PIKFYVE: variants seen among roughly 807,000 people sequenced by gnomAD.
PIKFYVE encodes phosphoinositide kinase, FYVE-type zinc finger containing.
Under a neutral mutation model 257.9 loss-of-function variants are expected in PIKFYVE, and 122 were observed. The observed-to-expected ratio is 0.47, with a 90% confidence interval of 0.41 to 0.55. The LOEUF (loss-of-function observed/expected upper bound fraction) is 0.55, where lower values mean the gene tolerates loss of function less well. PIKFYVE is among the 20% of genes least tolerant of loss of function. The pLI is 0.00. For synonymous variants in PIKFYVE, 892 were observed against 868.9 expected, an observed-to-expected ratio of 1.03 and a Z score of -0.47; for missense variants, 2,160 against 2,536.6, an observed-to-expected ratio of 0.85 and a Z score of 3.19.
intron 7 of PIKFYVE, among the ~76,000 whole-genome samples, chr2:208,290,731 C>T (rs1334294019): frequency 6.6e-6 from 1 of 152,182 alleles, no homozygotes; most frequent in African/African-American, 2.4e-5. Flanking sequence ...TGCATTCCTA[C>T]CAGCAATGAA....
chr2:208,350,574 A>C (rs765417113), intron 36 of PIKFYVE, among the ~76,000 whole-genome samples, 197 bp from the exon 37 acceptor site: 1 of 152,124 alleles, frequency 6.6e-6, no homozygotes, highest in Non-Finnish European at 1.5e-5. Flanking sequence ...AAGGATGGTC[A>C]TACGATGTTC....
intron 1 of PIKFYVE, chr2:208,269,852 C>A: frequency 3.4e-6 from 1 of 294,232 alleles, no homozygotes; most frequent in Admixed American, 4.4e-5. Flanking sequence ...GGATAGCTGG[C>A]TCAGCTTTGG....
chr2:208,328,702 G>A (rs958612479), intron 21 of PIKFYVE, among the ~76,000 whole-genome samples: 2 of 152,142 alleles, frequency 1.3e-5, no homozygotes, highest in South Asian at 2.1e-4. Flanking sequence ...GTAGCCTGAA[G>A]TTAATTTTAT....
intron 20 of PIKFYVE, among the ~76,000 whole-genome samples, chr2:208,327,011 G>A (rs1231762110): frequency 1.3e-5 from 2 of 152,096 alleles, no homozygotes; most frequent in African/African-American, 2.4e-5. Context: ...TGCTAGATGA[G>A]GAAATGCAAT....
chr2:208,317,181 T>C (rs1337884492), intron 15 of PIKFYVE, among the ~76,000 whole-genome samples: 1 of 151,360 alleles, frequency 6.6e-6, no homozygotes, highest in Non-Finnish European at 1.5e-5. Flanking sequence ...GAAACTACCA[T>C]CAGAGTGAAC....
In PIKFYVE at chr2:208,288,705, AG is replaced by A. The variant is rs780957485; in HGVS notation, c.822-23del. On this transcript the variant is annotated intron_variant, in intron 6 of 41. Transcript: ENST00000264380. ...CCCTTTTACTGTCCTGAATTATTTC[AG>A]TATTTTCCTATTTTCTTTATAGTTT... 1.9e-6 allele frequency: 3 copies of A among 1,613,470 alleles called. No individual in the cohort carries two copies. In the Admixed American group the frequency reaches 5.0e-5, roughly 27 times the overall value.
At chr2:208,296,790 A>G (rs951234265) in intron 7 of PIKFYVE, among the ~76,000 whole-genome samples, 3 of 152,100 alleles carry the variant, frequency 2.0e-5, no homozygotes, top group African/African-American at 7.2e-5. Flanking sequence ...AAAGGGAGTT[A>G]TGCTGCTGAT....
intron 21 of PIKFYVE, 98 bp from the exon 22 acceptor site, chr2:208,329,744 G>A (rs1284131711): frequency 1.3e-6 from 2 of 1,538,532 alleles, no homozygotes; most frequent in African/African-American, 2.7e-5. Flanking sequence ...TTCATTGTAA[G>A]TACCATACAT....
At chr2:208,336,807 A>C in intron 27 of PIKFYVE, 31 bp from the exon 28 acceptor site, 1 of 1,429,820 alleles carries the variant, frequency 7.0e-7, no homozygotes, top group Non-Finnish European at 9.9e-7. Flanking sequence ...AACAAACCAT[A>C]TATATATATA....
rs566793890 is a variant in PIKFYVE at position 208,352,849 on chromosome 2, T to C, written c.5844+67T>C. 6.0e-5 allele frequency: 93 copies of C among 1,557,020 alleles called. No individual in the cohort carries two copies. In the South Asian group the frequency reaches 9.6e-4, roughly 16 times the overall value. On this transcript the variant is annotated intron_variant, in intron 39 of 41. Coordinates refer to ENST00000264380, the MANE Select transcript of PIKFYVE (RefSeq NM_015040.4). ...CTTTTGTACCTTTGGTTCTTAAATA[T>C]AGTGAATCAGAGAGTAACATCTTAT...
Position 208,355,606 on chromosome 2 carries a change from G to A in PIKFYVE, c.*301G>A. 3.7e-6 allele frequency: 1 copy of A among 267,068 alleles called. No homozygotes were observed. The highest frequency in any genetic ancestry group is 7.2e-6 in the Non-Finnish European group (1 of 138,446). 16.5% of individuals were successfully genotyped at this position (267,068 alleles called of 1,614,324 possible). ...AGATGAGTAGATAGGGTGAAAAATG[G>A]GTTAAATTTGCTAGCTTAATTGTTT... is the stretch of plus-strand genomic sequence containing the variant. On this transcript the variant is annotated 3_prime_UTR_variant, in exon 42 of 42. Coordinates refer to ENST00000264380, the MANE Select transcript of PIKFYVE (RefSeq NM_015040.4).
intron 4 of PIKFYVE, 44 bp from the exon 5 acceptor site, chr2:208,277,493 A>C (rs1690263157): frequency 1.3e-6 from 2 of 1,592,310 alleles, no homozygotes; most frequent in East Asian, 4.5e-5. Flanking sequence ...GCATATTAAT[A>C]ATCAGTATTT....
chr2:208,275,003 C>T (rs149107200), intron 3 of PIKFYVE, among the ~76,000 whole-genome samples: 2 of 152,240 alleles, frequency 1.3e-5, no homozygotes, highest in East Asian at 3.9e-4. Flanking sequence ...CCAGGTGGAG[C>T]CTTTACTGTC....
At chr2:208,314,844 T>C (rs1574582002) in intron 14 of PIKFYVE, among the ~76,000 whole-genome samples, 1 of 151,732 alleles carries the variant, frequency 6.6e-6, no homozygotes, top group Non-Finnish European at 1.5e-5. Context: ...TGCAGTGAGC[T>C]GAGATCGCGC....
intron 40 of PIKFYVE, among the ~76,000 whole-genome samples, 177 bp downstream of exon 40, chr2:208,354,336 A>G (rs745773731): frequency 1.1e-4 from 16 of 152,208 alleles, no homozygotes; most frequent in Non-Finnish European, 1.9e-4. Context: ...CATTTTCATT[A>G]TCTCTACCAA....
intron 13 of PIKFYVE, 141 bp from the exon 14 acceptor site, chr2:208,314,153 T>G (rs1695222307): frequency 4.8e-6 from 4 of 829,316 alleles, no homozygotes; most frequent in Admixed American, 2.3e-5. Flanking sequence ...GTTTATTACA[T>G]GTTCTTGCCT....
intron 38 of PIKFYVE, 81 bp downstream of exon 38, chr2:208,351,536 G>T (rs528216003): frequency 1.7e-6 from 2 of 1,163,014 alleles, no homozygotes; most frequent in South Asian, 1.2e-5. Flanking sequence ...GTCTATTCTT[G>T]TGTTGCTATA....
chr2:208,331,652 A>G (rs1475098849), intron 23 of PIKFYVE, among the ~76,000 whole-genome samples: 1 of 152,238 alleles, frequency 6.6e-6, no homozygotes, highest in Non-Finnish European at 1.5e-5. Flanking sequence ...TTGGGATTAC[A>G]GGCCTGAGCC....
At chr2:208,338,399 G>T in intron 28 of PIKFYVE, 109 bp from the exon 29 acceptor site, 1 of 843,492 alleles carries the variant, frequency 1.2e-6, no homozygotes, top group Non-Finnish European at 1.9e-6. Flanking sequence ...ATTTTTTAAC[G>T]GTATAAATGG....
Sources: gnomAD v4.1 joint callset for allele counts (sites outside exome capture counted in the v4.1 genomes callset) on GRCh38, gnomAD v4.1.1 for gene constraint, MANE v1.5 for transcripts, NCBI Gene and HGNC (gene_info 2026-07-23, HGNC 2026-07-21) for gene names.